The following DTD1 variants were observed in gnomAD, a reference collection of about 807,000 sequenced individuals.
The protein encoded by DTD1 is D-aminoacyl-tRNA deacylase 1.
A neutral mutation model predicts 25.6 loss-of-function variants in DTD1; 13 were observed. The observed-to-expected ratio is 0.51, with a 90% confidence interval of 0.33 to 0.81. The LOEUF (loss-of-function observed/expected upper bound fraction) is 0.81. DTD1 is among the 30% of genes least tolerant of loss of function. The pLI is 0.02. For synonymous variants in DTD1, 110 were observed against 103.6 expected (o/e 1.06, Z -0.37); for missense variants, 193 against 266.4 (o/e 0.72, Z 1.92).
At chr20:18,723,523 GCC>G (rs929365187) in intron 4 of DTD1, among the ~76,000 whole-genome samples, 13 of 152,214 alleles carry the variant, frequency 8.5e-5, no homozygotes, top group African/African-American at 3.1e-4. Context: ...GTGGAATAGA[GCC>G]CATGGCTAGC....
intron 3 of DTD1, among the ~76,000 whole-genome samples, chr20:18,626,807 A>G (rs757708545): frequency 6.6e-5 from 10 of 152,252 alleles, no homozygotes; most frequent in South Asian, 2.1e-4. Context: ...TTGGAATGAT[A>G]AACAAGGTGA....
rs138753828 is a variant in DTD1, at chr20:18,745,475, G to A, written c.*19+1204G>A. Among the ~76,000 whole-genome samples, 73 of 152,338 alleles carry A rather than the reference G, an allele frequency of 4.8e-4. 1 individual carries two copies. The highest frequency in any genetic ancestry group is 6.5e-4 in the African/African-American group (27 of 41,570). On this transcript the variant is annotated intron_variant, in intron 5 of 5. Transcript: ENST00000377452. ...GAACAGTTATACTACAGCACGGTGC[G>A]TGTGGCAGGAGTGTGAACAGGTGTG...
At chr20:18,726,843 C>G (rs888990278) in intron 4 of DTD1, among the ~76,000 whole-genome samples, 5 of 152,192 alleles carry the variant, frequency 3.3e-5, no homozygotes, top group African/African-American at 1.2e-4. Context: ...GATGGGGACA[C>G]AGTGTCTTCT....
intron 3 of DTD1, among the ~76,000 whole-genome samples, chr20:18,607,710 T>G (rs1438496646): frequency 6.6e-6 from 1 of 152,106 alleles, no homozygotes; most frequent in Non-Finnish European, 1.5e-5. Flanking sequence ...CTTTTTCTTC[T>G]TCTTTCTTTC....
intron 5 of DTD1, among the ~76,000 whole-genome samples, chr20:18,747,482 C>T (rs1038727276): frequency 5.3e-5 from 8 of 152,162 alleles, no homozygotes; most frequent in East Asian, 1.9e-4. Flanking sequence ...AGCATCCCAG[C>T]GCTGCTCCTG....
At chr20:18,647,173 G>A (rs1051959923) in intron 4 of DTD1, among the ~76,000 whole-genome samples, 1 of 152,230 alleles carries the variant, frequency 6.6e-6, no homozygotes, top group African/African-American at 2.4e-5. Flanking sequence ...TTGGCTTTGA[G>A]TGAGAGGCTC....
chr20:18,758,938 A>G lies in DTD1; in HGVS notation c.*20-4422A>G, dbSNP rs921869421. ...GTGCTTCTGTATTGGGTGCATATAT[A>G]TTTAGGATAGTTAGCTCTTCTTGTT... On this transcript the variant is annotated intron_variant, in intron 5 of 5. Coordinates refer to ENST00000377452, the MANE Select transcript of DTD1 (RefSeq NM_080820.6). 2.0e-5 allele frequency among the ~76,000 whole-genome samples: 3 copies of G among 152,154 alleles called. No individual in the cohort carries two copies. The East Asian group carries it at 5.8e-4, about 29-fold the overall frequency.
intron 3 of DTD1, among the ~76,000 whole-genome samples, chr20:18,600,266 C>A (rs956655544): frequency 8.5e-5 from 13 of 152,152 alleles, no homozygotes; most frequent in African/African-American, 3.1e-4. Flanking sequence ...TGATTCATTT[C>A]AGATAATTTT....
At chr20:18,617,168 C>T (rs1394516309) in intron 3 of DTD1, among the ~76,000 whole-genome samples, 1 of 151,954 alleles carries the variant, frequency 6.6e-6, no homozygotes, top group Non-Finnish European at 1.5e-5. Flanking sequence ...AAGATACAGG[C>T]ATAGGTAGAA....
At chr20:18,702,326 C>T (rs2061108670) in intron 4 of DTD1, among the ~76,000 whole-genome samples, 1 of 152,136 alleles carries the variant, frequency 6.6e-6, no homozygotes, top group African/African-American at 2.4e-5. Context: ...TTTTAATTTT[C>T]TTGACAATTG....
intron 4 of DTD1, among the ~76,000 whole-genome samples, chr20:18,692,595 A>G (rs986903177): frequency 6.6e-6 from 1 of 152,240 alleles, no homozygotes; most frequent in Non-Finnish European, 1.5e-5. Flanking sequence ...TGCTGAGGTC[A>G]GTAGCTCAAA....
Position 18,764,883 on chromosome 20 carries a change from A to G in DTD1, c.*1543A>G, listed in dbSNP as rs890726978. ...TAAAGCTACTTGAACCTACATGTCG[A>G]TAAACTCAGTTGTAGGGTTTGGCTT... On this transcript the variant is annotated 3_prime_UTR_variant, in exon 6 of 6. Coordinates refer to ENST00000377452, the MANE Select transcript of DTD1 (RefSeq NM_080820.6). The G allele has an allele frequency of 4.6e-5, 7 of 152,358 alleles. No individual in the cohort carries two copies. In the East Asian group the frequency reaches 1.3e-3, roughly 29 times the overall value. The allele number at this position is 152,358 out of a possible 1,614,324, so 9.4% of individuals were successfully genotyped here.
intron 3 of DTD1, among the ~76,000 whole-genome samples, chr20:18,627,841 G>T (rs556161070): frequency 6.6e-6 from 1 of 152,078 alleles, no homozygotes; most frequent in African/African-American, 2.4e-5. Context: ...TAAGTCTCAC[G>T]AGATCTGATG....
At chr20:18,642,071 C>G (rs527340212) in intron 4 of DTD1, among the ~76,000 whole-genome samples, 2 of 152,298 alleles carry the variant, frequency 1.3e-5, no homozygotes, top group South Asian at 4.1e-4. Context: ...TTTTTACTTG[C>G]AGACAGGTTG....
chr20:18,607,527 C>A (rs2060665374), intron 3 of DTD1, among the ~76,000 whole-genome samples: 1 of 152,038 alleles, frequency 6.6e-6, no homozygotes. Context: ...TTGGGAAGTA[C>A]CCCCACTGCT....
chr20:18,688,336 C>G (rs535811625), intron 4 of DTD1, among the ~76,000 whole-genome samples: 24 of 152,256 alleles, frequency 1.6e-4, no homozygotes, highest in Non-Finnish European at 2.5e-4. Flanking sequence ...AATAATTCTA[C>G]AAATAAGTAT....
intron 5 of DTD1, among the ~76,000 whole-genome samples, chr20:18,755,558 A>G (rs1202941510): frequency 5.9e-5 from 9 of 152,104 alleles, no homozygotes; most frequent in Admixed American, 1.3e-4. Context: ...GCTGAGAATG[A>G]TGGTTTCCAG....
chr20:18,591,097 C>T (rs942333165), intron 1 of DTD1, among the ~76,000 whole-genome samples: 5 of 152,118 alleles, frequency 3.3e-5, no homozygotes, highest in African/African-American at 1.2e-4. Flanking sequence ...AGTGGTGATT[C>T]TCAGATTTTT....
At chr20:18,754,258 C>T (rs113427006) in intron 5 of DTD1, among the ~76,000 whole-genome samples, 147 of 152,300 alleles carry the variant, frequency 9.7e-4, no homozygotes, top group African/African-American at 3.4e-3. Flanking sequence ...CTGGTCTGGC[C>T]TCACTGGAGA....
Sources: allele counts gnomAD v4.1 joint callset (sites outside exome capture counted in the v4.1 genomes callset), GRCh38; gene constraint gnomAD v4.1.1; transcripts MANE v1.5; gene names NCBI Gene and HGNC (gene_info 2026-07-23, HGNC 2026-07-21).